MAU2: variants seen among roughly 807,000 people sequenced by gnomAD.
MAU2 encodes the protein MAU2 sister chromatid cohesion factor.
In MAU2, 9 loss-of-function variants were observed where a neutral mutation model predicts 89.1. The observed-to-expected ratio is 0.10, with a 90% CI of 0.06 to 0.18. The LOEUF (loss-of-function observed/expected upper bound fraction) is 0.18, where lower values mean the gene tolerates loss of function less well. Among genes scored for constraint, MAU2 ranks in the 10% least tolerant of loss-of-function variants. The probability of loss-of-function intolerance (pLI) is 1.00; values close to 1 mark genes in which losing one functional copy is unlikely to be tolerated. For synonymous variants in MAU2, 357 were observed against 343.4 expected, an observed-to-expected ratio of 1.04 and a Z score of -0.44; for missense variants, 425 against 803.5, an observed-to-expected ratio of 0.53 and a Z score of 5.69.
At chr19:19,323,250 A>C (rs1328772047) in intron 1 of MAU2, among the ~76,000 whole-genome samples, 1 of 150,926 alleles carries the variant, frequency 6.6e-6, no homozygotes, top group Non-Finnish European at 1.5e-5. Context: ...GCTGGAGTGC[A>C]GTGGCGCGGT....
chr19:19,330,089 T>C (rs900935224), intron 1 of MAU2, among the ~76,000 whole-genome samples: 1 of 151,848 alleles, frequency 6.6e-6, no homozygotes, highest in Non-Finnish European at 1.5e-5. Context: ...ATGTGGTTCT[T>C]TTGCCTCAGC....
At chr19:19,338,979 C>A (rs761627733) in intron 5 of MAU2, 40 bp downstream of exon 5, 2 of 1,524,102 alleles carry the variant, frequency 1.3e-6, no homozygotes, top group Non-Finnish European at 1.8e-6. Flanking sequence ...GCTCTGTTAA[C>A]AGGAGGGGCT....
At chr19:19,329,068 A>G (rs139073881) in intron 1 of MAU2, 58 of 455,946 alleles carry the variant, frequency 1.3e-4, no homozygotes, top group African/African-American at 9.4e-4. Context: ...CTGAGCATCT[A>G]TGGTTCACTT....
At chr19:19,334,505 CCA>C (rs2061580846) in intron 1 of MAU2, 1 of 985,876 alleles carries the variant, frequency 1.0e-6, no homozygotes. Flanking sequence ...AAGGCTGCCC[CCA>C]GCCGTGGATC....
At chr19:19,330,319 G>C (rs1193759265) in intron 1 of MAU2, among the ~76,000 whole-genome samples, 1 of 151,928 alleles carries the variant, frequency 6.6e-6, no homozygotes, top group South Asian at 2.1e-4. Flanking sequence ...AACAGGCCAG[G>C]CATGGTGGCT....
intron 7 of MAU2, among the ~76,000 whole-genome samples, chr19:19,342,289 G>A (rs981467095): frequency 2.0e-5 from 3 of 152,184 alleles, no homozygotes; most frequent in African/African-American, 7.2e-5. Context: ...GGGCCTTGGT[G>A]TTGGACCCAA....
intron 1 of MAU2, among the ~76,000 whole-genome samples, chr19:19,326,715 T>TGCAC (rs2061509687): frequency 8.5e-6 from 1 of 117,904 alleles, no homozygotes. Flanking sequence ...TATATATATA[T>TGCAC]ATATACATAT....
intron 4 of MAU2, among the ~76,000 whole-genome samples, chr19:19,337,658 G>A (rs1386808596): frequency 1.3e-5 from 2 of 152,194 alleles, no homozygotes; most frequent in African/African-American, 4.8e-5. Flanking sequence ...ACCCACTGTG[G>A]GTTTTTTTTA....
At chr19:19,339,364 T>C (rs1474261702) in intron 5 of MAU2, among the ~76,000 whole-genome samples, 1 of 151,926 alleles carries the variant, frequency 6.6e-6, no homozygotes, top group Non-Finnish European at 1.5e-5. Flanking sequence ...GGAGACTAGC[T>C]TGAACCCGGG....
At chr19:19,349,571 C>A in intron 16 of MAU2, 135 bp downstream of exon 16, 1 of 749,720 alleles carries the variant, frequency 1.3e-6, no homozygotes, top group Non-Finnish European at 2.2e-6. Context: ...AGGTGGATGC[C>A]CTGACTCCCA....
In MAU2 at chr19:19,345,470, A is replaced by C; in HGVS notation, c.1221+101A>C. ...GGACAGCAGTCGCGCTAGGTCAGCT[A>C]TGCAAAGCCGCAGCCCCAGAGGCAA... On this transcript the variant is annotated intron_variant, in intron 12 of 18. Coordinates refer to ENST00000262815, the MANE Select transcript of MAU2 (RefSeq NM_015329.4). This position sits in a 1 kb window ranked among gnomAD's most constrained non-coding sequence, Gnocchi z 4.9. 1 of 1,160,582 alleles carries C rather than the reference A, an allele frequency of 8.6e-7. No homozygotes were observed. The allele number at this position is 1,160,582 out of a possible 1,614,324, so 71.9% of individuals were successfully genotyped here.
chr19:19,337,378 T>A, intron 4 of MAU2, 113 bp downstream of exon 4: 1 of 805,012 alleles, frequency 1.2e-6, no homozygotes, highest in Non-Finnish European at 2.1e-6. Flanking sequence ...CCCCTCGGGC[T>A]GGCACATGGA....
intron 1 of MAU2, among the ~76,000 whole-genome samples, chr19:19,335,472 C>G (rs1424422743): frequency 6.6e-6 from 1 of 152,192 alleles, no homozygotes; most frequent in Admixed American, 6.5e-5. Flanking sequence ...GCGAGCCCCT[C>G]CTCTGATGTC....
At chr19:19,325,276 A>T (rs976224805) in intron 1 of MAU2, among the ~76,000 whole-genome samples, 2 of 152,090 alleles carry the variant, frequency 1.3e-5, no homozygotes, top group Non-Finnish European at 2.9e-5. Flanking sequence ...CCCGGGTTCA[A>T]GCGAGTCTCC....
At position 19,342,874 on chromosome 19, in the gene MAU2, A is replaced by G; in HGVS notation, c.973+8A>G. 6.2e-7 allele frequency: 1 copy of G among 1,613,504 alleles called. No homozygotes were observed. The highest frequency in any genetic ancestry group is 8.5e-7 in the Non-Finnish European group (1 of 1,179,914). The stretch of plus-strand genomic sequence containing the variant: ...AGCTGGAGAAGCTCAAGAGTAAGTC[A>G]GGTGCTCGGCTGGCCACATGGCCAC... On this transcript the variant is annotated splice_region_variant and intron_variant, in intron 9 of 18. Coordinates refer to ENST00000262815, the MANE Select transcript of MAU2 (RefSeq NM_015329.4).
At chr19:19,326,718 A>ACGTATATATATATATG (rs374220811) in intron 1 of MAU2, among the ~76,000 whole-genome samples, 6 of 112,536 alleles carry the variant, frequency 5.3e-5, no homozygotes, top group African/African-American at 6.3e-5. Context: ...ATATATATAT[A>ACGTATATATATATATG]TACATATATA....
chr19:19,354,464 C>A lies in MAU2; in HGVS notation c.1639+19C>A, dbSNP rs774383631. 5.0e-6 allele frequency: 8 copies of A among 1,603,222 alleles called. No homozygotes were observed. The highest frequency in any genetic ancestry group is 6.8e-6 in the Non-Finnish European group (8 of 1,171,626). Reference sequence around the variant, plus strand: ...CTGAGAGGTGAGTGCAATGGCCACCCCTCTTCCCCAGCCCCAGCCTGGCCC... The same window carrying A: ...CTGAGAGGTGAGTGCAATGGCCACCACTCTTCCCCAGCCCCAGCCTGGCCC... On this transcript the variant is annotated intron_variant, in intron 17 of 18. Coordinates refer to ENST00000262815, the MANE Select transcript of MAU2 (RefSeq NM_015329.4).
chr19:19,346,260 A>T (rs2061692209), intron 12 of MAU2, among the ~76,000 whole-genome samples: 1 of 151,766 alleles, frequency 6.6e-6, no homozygotes. Flanking sequence ...ACCCTGGCTC[A>T]CTCTGACTGC....
intron 17 of MAU2, chr19:19,354,999 G>A: frequency 2.3e-6 from 1 of 437,516 alleles, no homozygotes; most frequent in Non-Finnish European, 4.2e-6. Flanking sequence ...GTTTGCCTGA[G>A]GGCTGGCCAT....
Sources: allele counts gnomAD v4.1 joint callset (sites outside exome capture counted in the v4.1 genomes callset), GRCh38; gene constraint gnomAD v4.1.1; non-coding constraint Gnocchi (gnomAD v3.1); transcripts MANE v1.5; gene names NCBI Gene and HGNC (gene_info 2026-07-23, HGNC 2026-07-21).